VEPH1: variants seen among roughly 807,000 people sequenced by gnomAD.
VEPH1 encodes the protein ventricular zone expressed PH domain containing 1.
Under a neutral mutation model 85.2 loss-of-function variants are expected in VEPH1, and 80 were observed. The ratio of observed to expected loss-of-function variants is 0.94; its 90% CI spans 0.78 to 1.13. VEPH1 has a LOEUF of 1.13. VEPH1 is among the 50% of genes most tolerant of loss of function. VEPH1 has a pLI of 0.00. For missense variants in VEPH1, 955 were observed against 980.5 expected (o/e 0.97, Z 0.35); for synonymous variants, 297 against 348.0 (o/e 0.85, Z 1.63).
chr3:157,497,732 C>T (rs1050093611), intron 1 of VEPH1, among the ~76,000 whole-genome samples: 3 of 152,164 alleles, frequency 2.0e-5, no homozygotes, highest in Admixed American at 6.5e-5. Flanking sequence ...TCTGCACACT[C>T]CACATTTACA....
intron 2 of VEPH1, among the ~76,000 whole-genome samples, chr3:157,481,261 T>C (rs1341907448): frequency 2.0e-5 from 3 of 151,958 alleles, no homozygotes. Context: ...GTTTACTTTG[T>C]TGATAGTTTC....
chr3:157,421,704 G>A (rs1434078974), intron 5 of VEPH1, among the ~76,000 whole-genome samples: 2 of 152,160 alleles, frequency 1.3e-5, no homozygotes, highest in Non-Finnish European at 2.9e-5. Flanking sequence ...AATCAAGGGT[G>A]TGCTCTAGTT....
At chr3:157,279,992 G>T (rs1264506880) in intron 12 of VEPH1, among the ~76,000 whole-genome samples, 1 of 143,232 alleles carries the variant, frequency 7.0e-6, no homozygotes, top group Non-Finnish European at 1.5e-5. Context: ...CTCCAGCCTG[G>T]CGACAGAGCA....
chr3:157,286,445 A>G (rs554812338), intron 12 of VEPH1, 112 bp downstream of exon 12: 8 of 826,156 alleles, frequency 9.7e-6, no homozygotes, highest in South Asian at 6.0e-5. Flanking sequence ...TCTGTGCATT[A>G]TTACAACTGG....
chr3:157,351,323 G>A (rs1037909407), intron 9 of VEPH1, among the ~76,000 whole-genome samples: 3 of 152,124 alleles, frequency 2.0e-5, no homozygotes, highest in African/African-American at 4.8e-5. Context: ...GCGCACACCT[G>A]TAGTCCCAGC....
chr3:157,372,821 T>C (rs1054777699), intron 7 of VEPH1, among the ~76,000 whole-genome samples: 2 of 152,214 alleles, frequency 1.3e-5, no homozygotes, highest in African/African-American at 4.8e-5. Context: ...CGTCCACTGA[T>C]CAGGTACTTG....
chr3:157,498,210 C>A (rs1037302390), intron 1 of VEPH1, among the ~76,000 whole-genome samples: 2 of 152,188 alleles, frequency 1.3e-5, no homozygotes, highest in African/African-American at 4.8e-5. Context: ...AACCAAGGGT[C>A]ATGTCCCAGC....
intron 3 of VEPH1, among the ~76,000 whole-genome samples, chr3:157,468,628 A>C (rs1736616548): frequency 6.6e-6 from 1 of 152,044 alleles, no homozygotes; most frequent in Admixed American, 6.6e-5. Context: ...TAAATAAATA[A>C]ATTTTAAAAA....
At chr3:157,301,680 C>T (rs187541678) in intron 11 of VEPH1, among the ~76,000 whole-genome samples, 39 of 152,300 alleles carry the variant, frequency 2.6e-4, no homozygotes, top group African/African-American at 8.4e-4. Flanking sequence ...CAGTCCCATA[C>T]AATTCCTTTC....
chr3:157,266,627 G>A (rs1181302167), intron 12 of VEPH1, among the ~76,000 whole-genome samples: 1 of 152,162 alleles, frequency 6.6e-6, no homozygotes, highest in African/African-American at 2.4e-5. Flanking sequence ...ATAAATATTT[G>A]TTGACTGAAT....
rs1386238894 is a variant in VEPH1 at position 157,407,324 on chromosome 3, A to G, written c.906+6557T>C. 2.0e-5 allele frequency among the ~76,000 whole-genome samples: 3 copies of G among 152,266 alleles called. No individual in the cohort carries two copies. In the East Asian group the frequency reaches 5.8e-4, roughly 29 times the overall value. On this transcript the variant is annotated intron_variant, in intron 6 of 13. Transcript: ENST00000362010. ...ATAGCTGGGGAGGTGGGGACCACCT[A>G]CCCTTTATGGAAAGCAATGTACTTC... is the stretch of plus-strand genomic sequence containing the variant.
intron 9 of VEPH1, among the ~76,000 whole-genome samples, chr3:157,333,561 C>T (rs1360775398): frequency 6.6e-6 from 1 of 152,152 alleles, no homozygotes; most frequent in Non-Finnish European, 1.5e-5. Context: ...ATTTGCATGA[C>T]ACTAATGTAG....
At chr3:157,272,523 T>G (rs1714840276) in intron 12 of VEPH1, among the ~76,000 whole-genome samples, 1 of 149,972 alleles carries the variant, frequency 6.7e-6, no homozygotes, top group Admixed American at 6.7e-5. Flanking sequence ...AGTGACACAA[T>G]CATGACTCAC....
intron 12 of VEPH1, among the ~76,000 whole-genome samples, chr3:157,271,836 A>G (rs897794260): frequency 1.3e-5 from 2 of 152,184 alleles, no homozygotes. Context: ...ATACGAGGGA[A>G]CTTCAAAAGT....
chr3:157,273,741 A>G (rs1715020285), intron 12 of VEPH1, among the ~76,000 whole-genome samples: 1 of 152,196 alleles, frequency 6.6e-6, no homozygotes, highest in African/African-American at 2.4e-5. Flanking sequence ...AGTGTAACAT[A>G]ATGAAAAAAA....
intron 6 of VEPH1, among the ~76,000 whole-genome samples, chr3:157,392,649 G>A (rs1447742058): frequency 1.3e-5 from 2 of 152,040 alleles, no homozygotes; most frequent in East Asian, 3.9e-4. Flanking sequence ...ATCTCATAAT[G>A]TTTTAAGAAA....
rs755808337 is a variant in VEPH1, at chr3:157,261,133, C to T, written c.*1G>A. On this transcript the variant is annotated 3_prime_UTR_variant, in exon 14 of 14. Transcript: ENST00000362010. ...AATTGTCATGGCTGACTTATAAATC[C>T]CTACAGATATGTGGTTACTTCTCTA... The T allele has an allele frequency of 6.8e-6, 11 of 1,613,270 alleles. No individual in the cohort carries two copies. The highest frequency in any genetic ancestry group is 9.3e-6 in the Non-Finnish European group (11 of 1,179,582).
intron 12 of VEPH1, among the ~76,000 whole-genome samples, chr3:157,279,199 A>G (rs2047647): frequency 0.5 from 75,805 of 151,868 alleles, 19,813 homozygotes; most frequent in Admixed American, 0.62. Context: ...ATGACTAGCT[A>G]GGTAAAGAAA....
intron 9 of VEPH1, among the ~76,000 whole-genome samples, chr3:157,340,407 A>G (rs1419132196): frequency 6.6e-6 from 1 of 152,188 alleles, no homozygotes; most frequent in Non-Finnish European, 1.5e-5. Flanking sequence ...TCCCATGCCC[A>G]TGGAGCCTCG....
Sources: gnomAD v4.1 joint callset for allele counts (sites outside exome capture counted in the v4.1 genomes callset) on GRCh38, gnomAD v4.1.1 for gene constraint, MANE v1.5 for transcripts, NCBI Gene and HGNC (gene_info 2026-07-23, HGNC 2026-07-21) for gene names.